Variants in MORN1 observed in about 807,000 individuals in gnomAD.
MORN1 encodes the protein MORN repeat containing 1.
A neutral mutation model predicts 61.9 loss-of-function variants in MORN1; 67 were observed. The ratio of observed to expected loss-of-function variants is 1.08; its 90% confidence interval spans 0.89 to 1.33. The LOEUF is 1.33. MORN1 is among the 40% of genes most tolerant of loss of function. MORN1 has a pLI of 0.00. For missense variants in MORN1, 752 were observed against 691.2 expected (o/e 1.09, Z -0.99); for synonymous variants, 301 against 292.0 (o/e 1.03, Z -0.31).
chr1:2,373,897 C>T (rs1642178123), intron 7 of MORN1, among the ~76,000 whole-genome samples: 1 of 152,230 alleles, frequency 6.6e-6, no homozygotes, highest in Non-Finnish European at 1.5e-5. Context: ...GGGCTGAGAC[C>T]TTGCAGGTGC....
intron 13 of MORN1, chr1:2,322,656 C>T: frequency 1.0e-6 from 1 of 985,496 alleles, no homozygotes. Context: ...GACAGCCTCC[C>T]TGGCGGGCGG....
At chr1:2,391,404 C>T in intron 1 of MORN1, 54 bp downstream of exon 1, 2 of 1,252,322 alleles carry the variant, frequency 1.6e-6, no homozygotes, top group Non-Finnish European at 1.0e-6. Context: ...GCGATCGCAC[C>T]CTGAATGGAG....
chr1:2,357,141 G>A lies in MORN1; in HGVS notation c.1036+291C>T, dbSNP rs546043080. Among the ~76,000 whole-genome samples the A allele has an allele frequency of 2.0e-5, 3 of 152,258 alleles. No homozygotes were observed. The highest frequency in any genetic ancestry group is 3.9e-4 in the East Asian group (2 of 5,164). ...GCCTCGAGGCCTGGGTGAGTCTGCT[G>A]CCCTCAGCCAAGTAGACCCAGAACT... On this transcript the variant is annotated intron_variant, in intron 10 of 13. Transcript: ENST00000378531. The surrounding 1 kb of genome is among the most constrained non-coding windows in gnomAD (Gnocchi z 6.3).
At chr1:2,332,271 C>T (rs535607993) in intron 12 of MORN1, 5 of 236,974 alleles carry the variant, frequency 2.1e-5, no homozygotes, top group South Asian at 4.9e-5. Flanking sequence ...TGCAGCTGCA[C>T]GAAGGGGACA....
intron 12 of MORN1, among the ~76,000 whole-genome samples, chr1:2,325,208 CTTT>C (rs753457066): frequency 8.3e-5 from 10 of 119,990 alleles, no homozygotes; most frequent in Non-Finnish European, 1.5e-4. Flanking sequence ...TCTTTTTTTT[CTTT>C]CTTCTTTTCT....
At chr1:2,382,412 C>G (rs1405780378) in intron 6 of MORN1, among the ~76,000 whole-genome samples, 1 of 152,198 alleles carries the variant, frequency 6.6e-6, no homozygotes, top group African/African-American at 2.4e-5. Flanking sequence ...CACCGAAAGG[C>G]TGACAGCAGC....
At position 2,336,913 on chromosome 1, in the gene MORN1, A is replaced by G. The variant is rs566201204; in HGVS notation, c.1037-63T>C. 46 of 1,460,460 alleles carry G rather than the reference A, an allele frequency of 3.1e-5. No individual in the cohort carries two copies. The South Asian group carries it at 6.4e-4, about 20-fold the overall frequency. 90.5% of individuals were successfully genotyped at this position (1,460,460 alleles called of 1,614,324 possible). On this transcript the variant is annotated intron_variant, in intron 10 of 13. Coordinates refer to ENST00000378531, the MANE Select transcript of MORN1 (RefSeq NM_024848.3). ...TCAGGGCGGAGACGGAGGGAGCCCCACAGGGCTGTGCTGAAGTGTGGCTCT... is the reference window on the plus strand; with the variant it reads ...TCAGGGCGGAGACGGAGGGAGCCCCGCAGGGCTGTGCTGAAGTGTGGCTCT...
At chr1:2,351,710 CT>C in intron 10 of MORN1, 1 of 478,792 alleles carries the variant, frequency 2.1e-6, no homozygotes, top group Non-Finnish European at 4.1e-6. Flanking sequence ...TTAGTTTCAT[CT>C]TTCTGAACTC....
intron 10 of MORN1, chr1:2,352,051 G>T (rs1641661648): frequency 1.4e-5 from 8 of 555,506 alleles, no homozygotes; most frequent in South Asian, 1.2e-4. Context: ...AGTCCACCAA[G>T]ACCCTAGCAT....
chr1:2,325,119 T>C (rs1386474716), intron 12 of MORN1, among the ~76,000 whole-genome samples: 15 of 55,592 alleles, frequency 2.7e-4, no homozygotes, highest in South Asian at 7.0e-4. Flanking sequence ...CTTCCCTTCC[T>C]TCCCTTCCTT....
At chr1:2,328,182 A>G (rs775400966) in intron 12 of MORN1, among the ~76,000 whole-genome samples, 51 of 152,248 alleles carry the variant, frequency 3.3e-4, no homozygotes, top group Non-Finnish European at 6.2e-4. Context: ...CACGTTCCTC[A>G]TGCACGGCTT....
At chr1:2,388,980 C>T (rs1157984510) in intron 2 of MORN1, among the ~76,000 whole-genome samples, 1 of 151,486 alleles carries the variant, frequency 6.6e-6, no homozygotes, top group East Asian at 1.9e-4. Context: ...GGCGTGGTGG[C>T]AGGTGCCTGT....
At chr1:2,345,377 G>A (rs1356811961) in intron 10 of MORN1, among the ~76,000 whole-genome samples, 1 of 152,254 alleles carries the variant, frequency 6.6e-6, no homozygotes, top group East Asian at 1.9e-4. Flanking sequence ...CCAGGCATGG[G>A]CCGGCCTTGT....
intron 10 of MORN1, among the ~76,000 whole-genome samples, chr1:2,339,741 CA>C (rs1641354699): frequency 6.6e-6 from 1 of 152,184 alleles, no homozygotes; most frequent in African/African-American, 2.4e-5. Flanking sequence ...ACGGGACCCT[CA>C]CACGGAAGCC....
intron 8 of MORN1, among the ~76,000 whole-genome samples, chr1:2,360,714 CCTGGGACAAAACT>C (rs1641875120): frequency 1.3e-5 from 2 of 152,164 alleles, no homozygotes; most frequent in African/African-American, 2.4e-5. Context: ...ATTCAGCACA[CCTGGGACAAAACT>C]CCACGAGGCT....
chr1:2,335,829 A>AGCCCG (rs568929816), intron 12 of MORN1, among the ~76,000 whole-genome samples: 14 of 139,430 alleles, frequency 1.0e-4, no homozygotes, highest in African/African-American at 4.7e-4. Flanking sequence ...TCGCCTCCAT[A>AGCCCG]GCCCAGCCCA....
rs1381160121 is a variant in MORN1, at chr1:2,372,920, A to C, written c.635-329T>G. Among the ~76,000 whole-genome samples, 1 of 152,180 alleles carries C rather than the reference A, an allele frequency of 6.6e-6. No individual in the cohort carries two copies. Among genetic ancestry groups the C allele is most frequent in the African/African-American group, 2.4e-5 (1 of 41,432 alleles). ...TTTCCTGCCCGTGGAATGTTCCCGC[A>C]CGTCTTCCCGCTGGTCGGGATTTAG... is the stretch of plus-strand genomic sequence containing the variant. On this transcript the variant is annotated intron_variant, in intron 7 of 13. Transcript: ENST00000378531. The surrounding 1 kb of genome is among the most constrained non-coding windows in gnomAD (Gnocchi z 5.4).
intron 13 of MORN1, chr1:2,323,785 G>A: frequency 6.1e-6 from 6 of 985,298 alleles, no homozygotes; most frequent in Non-Finnish European, 7.2e-6. Context: ...GCTCCCCTTG[G>A]ACCCCAAGGC....
intron 6 of MORN1, among the ~76,000 whole-genome samples, chr1:2,383,922 A>G (rs937629098): frequency 1.3e-5 from 2 of 152,198 alleles, no homozygotes; most frequent in Non-Finnish European, 2.9e-5. Context: ...CCTGCAGCCC[A>G]GCCCAAGCAG....
Sources: gnomAD v4.1 joint callset for allele counts (sites outside exome capture counted in the v4.1 genomes callset) on GRCh38, gnomAD v4.1.1 for gene constraint, Gnocchi (gnomAD v3.1) non-coding constraint, MANE v1.5 for transcripts, NCBI Gene and HGNC (gene_info 2026-07-23, HGNC 2026-07-21) for gene names.